PXDNL: variants seen among roughly 807,000 people sequenced by gnomAD.
PXDNL encodes probable oxidoreductase PXDNL.
PXDNL carries 145 observed loss-of-function variants against 150.8 expected under a neutral mutation model. That is an observed-to-expected ratio of 0.96 (90% CI 0.84 to 1.10). The LOEUF is 1.10. PXDNL is among the 50% of genes least tolerant of loss of function. The pLI is 0.00. For synonymous variants in PXDNL, 757 were observed against 725.7 expected (o/e 1.04, Z -0.69); for missense variants, 2,087 against 1,873.9 (o/e 1.11, Z -2.10).
intron 2 of PXDNL, among the ~76,000 whole-genome samples, chr8:51,647,171 A>G (rs1321481856): frequency 6.6e-6 from 1 of 152,038 alleles, no homozygotes; most frequent in African/African-American, 2.4e-5. Context: ...CTCTAAGGAG[A>G]CTTCATGACC....
chr8:51,530,220 G>A (rs1199376424), intron 4 of PXDNL, among the ~76,000 whole-genome samples: 2 of 152,136 alleles, frequency 1.3e-5, no homozygotes, highest in Admixed American at 6.5e-5. Context: ...TTCAAAAGAT[G>A]GATGAGATGG....
rs560248826 is a variant in PXDNL at position 51,451,006 on chromosome 8, G to C, written c.1250-1888C>G. Reference sequence around the variant, plus strand: ...AAAATAGATTCATGACACAGTAAAAGAGCTATATAACAAAAGATGGTAGTA... The same window carrying C: ...AAAATAGATTCATGACACAGTAAAACAGCTATATAACAAAAGATGGTAGTA... On this transcript the variant is annotated intron_variant, in intron 10 of 22. Transcript: ENST00000356297. 2.0e-5 allele frequency among the ~76,000 whole-genome samples: 3 copies of C among 152,094 alleles called. No homozygotes were observed. In the East Asian group the frequency reaches 5.8e-4, roughly 29 times the overall value.
chr8:51,600,437 T>C (rs1160758345), intron 2 of PXDNL, among the ~76,000 whole-genome samples: 2 of 136,424 alleles, frequency 1.5e-5, no homozygotes, highest in Non-Finnish European at 3.1e-5. Context: ...ATAAATTATA[T>C]CTTATATAAA....
chr8:51,328,716 C>T (rs1380514178), intron 21 of PXDNL, among the ~76,000 whole-genome samples: 2 of 152,128 alleles, frequency 1.3e-5, no homozygotes, highest in Non-Finnish European at 2.9e-5. Context: ...GTGAGCATGA[C>T]AAACTACTAG....
chr8:51,380,139 AAT>A (rs869161753), intron 17 of PXDNL, among the ~76,000 whole-genome samples: 2 of 137,730 alleles, frequency 1.5e-5, no homozygotes, highest in South Asian at 2.4e-4. Context: ...AAAAAAAAAA[AAT>A]AACAAAAAAA....
intron 8 of PXDNL, among the ~76,000 whole-genome samples, chr8:51,465,316 T>C (rs1440875929): frequency 6.6e-6 from 1 of 151,990 alleles, no homozygotes; most frequent in African/African-American, 2.4e-5. Context: ...ATCATCTCAA[T>C]AGATGTGGAG....
At chr8:51,733,274 C>G (rs1258387252) in intron 1 of PXDNL, among the ~76,000 whole-genome samples, 1 of 152,188 alleles carries the variant, frequency 6.6e-6, no homozygotes, top group Non-Finnish European at 1.5e-5. Context: ...ACGTATTTTC[C>G]TCCGTCTTCC....
chr8:51,490,978 C>G, intron 5 of PXDNL, among the ~76,000 whole-genome samples: 1 of 152,168 alleles, frequency 6.6e-6, no homozygotes, highest in East Asian at 1.9e-4. Context: ...AGTCAGTGAA[C>G]TGGGAAAGGC....
In PXDNL at chr8:51,409,022, C is replaced by T. The variant is rs1808534102; in HGVS notation, c.2602G>A (p.Ala868Thr). 1.2e-6 allele frequency: 2 copies of T among 1,610,826 alleles called. No individual in the cohort carries two copies. Among genetic ancestry groups the T allele is most frequent in the South Asian group, 1.1e-5 (1 of 91,052 alleles). Residue 868 changes from alanine to threonine, a missense_variant, in exon 17 of 23, where the codon GCG becomes ACG. Physicochemically the swap from Ala to Thr is moderately conservative, Grantham distance 58. Coordinates refer to ENST00000356297, the MANE Select transcript of PXDNL (RefSeq NM_144651.5). ...PCMLFARSSPACASGRPSATV... is the reference protein window; with the variant it reads ...PCMLFARSSPTCASGRPSATV... ...GCAGAGGGACGGCCGCTGGCACACG[C>T]GGGGCTGGAGCGCGCGAAGAGCATG...
At chr8:51,426,589 G>A in intron 13 of PXDNL, 57 bp downstream of exon 13, 1 of 944,500 alleles carries the variant, frequency 1.1e-6, no homozygotes, top group Non-Finnish European at 1.6e-6. Context: ...CCATTTCAGT[G>A]GGTCGATACA....
chr8:51,461,838 C>T (rs1202672008), intron 8 of PXDNL, among the ~76,000 whole-genome samples: 1 of 152,182 alleles, frequency 6.6e-6, no homozygotes, highest in East Asian at 1.9e-4. Flanking sequence ...CACTTCCTGT[C>T]TCCCCCACCC....
At chr8:51,440,105 G>A (rs1809507053) in intron 12 of PXDNL, among the ~76,000 whole-genome samples, 1 of 151,608 alleles carries the variant, frequency 6.6e-6, no homozygotes, top group African/African-American at 2.4e-5. Context: ...GCCATAAAAG[G>A]GAATGAAATA....
intron 3 of PXDNL, among the ~76,000 whole-genome samples, chr8:51,584,560 T>C (rs1237718720): frequency 6.6e-6 from 1 of 152,150 alleles, no homozygotes; most frequent in Non-Finnish European, 1.5e-5. Flanking sequence ...AAGTGATCTG[T>C]TATGTGATCA....
At chr8:51,439,390 G>C (rs1161911606) in intron 12 of PXDNL, among the ~76,000 whole-genome samples, 2 of 152,104 alleles carry the variant, frequency 1.3e-5, no homozygotes, top group Non-Finnish European at 2.9e-5. Flanking sequence ...CCTTACTCCT[G>C]CAAGAATGGC....
chr8:51,348,310 T>A (rs543854976), intron 19 of PXDNL, among the ~76,000 whole-genome samples: 1 of 152,152 alleles, frequency 6.6e-6, no homozygotes, highest in Non-Finnish European at 1.5e-5. Context: ...TTGTTCAAGG[T>A]CATATAAATA....
Position 51,449,022 on chromosome 8 carries a change from A to C in PXDNL, c.1346T>G (p.Val449Gly), listed in dbSNP as rs749517205. Residue 449 changes from valine to glycine, a missense_variant, in exon 11 of 23, where the codon GTT becomes GGT. Coordinates refer to ENST00000356297, the MANE Select transcript of PXDNL (RefSeq NM_144651.5). ...AATACCTGTTTTTGTCCAGACAATAACAGGAGGTGGGTTGCCGTCAGCTTC... is the reference window on the plus strand; with the variant it reads ...AATACCTGTTTTTGTCCAGACAATACCAGGAGGTGGGTTGCCGTCAGCTTC... ...LCEADGNPPP[V>G]IVWTKTGGQL... The C allele has an allele frequency of 7.8e-6, 12 of 1,546,458 alleles. No individual in the cohort carries two copies. The African/African-American group carries it at 1.6e-4, about 21-fold the overall frequency.
At chr8:51,665,330 T>C (rs1815362173) in intron 1 of PXDNL, among the ~76,000 whole-genome samples, 1 of 152,192 alleles carries the variant, frequency 6.6e-6, no homozygotes, top group South Asian at 2.1e-4. Flanking sequence ...CTCCTCATTA[T>C]AAAATAAGCA....
chr8:51,529,377 C>T (rs7012794), intron 4 of PXDNL, among the ~76,000 whole-genome samples: 14,693 of 152,148 alleles, frequency 0.097, 1,488 homozygotes, highest in African/African-American at 0.25. Flanking sequence ...CTGCTTCCAC[C>T]ATCATCTTAC....
chr8:51,692,077 AT>A (rs1475665801), intron 1 of PXDNL, among the ~76,000 whole-genome samples: 1 of 152,210 alleles, frequency 6.6e-6, no homozygotes, highest in Non-Finnish European at 1.5e-5. Context: ...AATATAAGCC[AT>A]CCCTCTCCAT....
Sources: gnomAD v4.1 joint callset for allele counts (sites outside exome capture counted in the v4.1 genomes callset) on GRCh38, gnomAD v4.1.1 for gene constraint, MANE v1.5 for transcripts, NCBI Gene and HGNC (gene_info 2026-07-23, HGNC 2026-07-21) for gene names.